ATP6V1H: variants seen among roughly 807,000 people sequenced by gnomAD.
The protein encoded by ATP6V1H is V-type proton ATPase subunit H.
ATP6V1H carries 39 observed loss-of-function variants against 71.7 expected under a neutral mutation model. The observed-to-expected ratio is 0.54, with a 90% CI of 0.42 to 0.71. The LOEUF (loss-of-function observed/expected upper bound fraction) is 0.71, where lower values mean the gene tolerates loss of function less well. Ranked by LOEUF, ATP6V1H falls within the 30% of genes least tolerant of loss-of-function variation. The probability of loss-of-function intolerance (pLI) is 0.00; values close to 1 mark genes in which losing one functional copy is unlikely to be tolerated. For synonymous variants in ATP6V1H, 192 were observed against 199.3 expected (o/e 0.96, Z 0.31); for missense variants, 509 against 594.9 (o/e 0.86, Z 1.50).
intron 11 of ATP6V1H, among the ~76,000 whole-genome samples, chr8:53,757,340 T>TG (rs916292837): frequency 6.6e-6 from 1 of 152,000 alleles, no homozygotes. Flanking sequence ...CCACTGAGGG[T>TG]GGGTGCAGCT....
intron 11 of ATP6V1H, among the ~76,000 whole-genome samples, chr8:53,767,340 T>TGAAA (rs1281455089): frequency 6.6e-6 from 1 of 152,198 alleles, no homozygotes; most frequent in East Asian, 1.9e-4. Context: ...AGGTAGCATA[T>TGAAA]GAAAGCACTC....
intron 9 of ATP6V1H, among the ~76,000 whole-genome samples, chr8:53,776,366 A>G (rs903556234): frequency 6.6e-6 from 1 of 152,192 alleles, no homozygotes; most frequent in African/African-American, 2.4e-5. Flanking sequence ...GGTGGGCTGA[A>G]GGGCTCCTCA....
At chr8:53,791,213 A>C (rs1188084217) in intron 9 of ATP6V1H, among the ~76,000 whole-genome samples, 2 of 152,236 alleles carry the variant, frequency 1.3e-5, no homozygotes, top group African/African-American at 4.8e-5. Flanking sequence ...ATCAGCTCTT[A>C]TTCCATGTTC....
At chr8:53,762,167 G>A (rs1321873829) in intron 11 of ATP6V1H, among the ~76,000 whole-genome samples, 1 of 151,864 alleles carries the variant, frequency 6.6e-6, no homozygotes, top group Non-Finnish European at 1.5e-5. Flanking sequence ...ATTGTATTGA[G>A]CAGCACAGAT....
chr8:53,773,218 T>C (rs530134323), intron 9 of ATP6V1H, among the ~76,000 whole-genome samples: 2 of 152,238 alleles, frequency 1.3e-5, no homozygotes, highest in Non-Finnish European at 1.5e-5. Context: ...CTTACATCTA[T>C]AGATATCAGA....
chr8:53,820,680 AAAG>A (rs1385302901), intron 4 of ATP6V1H, among the ~76,000 whole-genome samples: 2 of 151,402 alleles, frequency 1.3e-5, no homozygotes, highest in African/African-American at 2.4e-5. Flanking sequence ...AAAAAAAAAA[AAAG>A]AAAAGAAAAC....
intron 4 of ATP6V1H, among the ~76,000 whole-genome samples, chr8:53,829,123 T>A (rs925680077): frequency 4.6e-5 from 7 of 152,152 alleles, no homozygotes; most frequent in Non-Finnish European, 1.0e-4. Flanking sequence ...AGGAGCCATA[T>A]CATCCATAAG....
chr8:53,830,582 C>T (rs986565459), intron 3 of ATP6V1H, among the ~76,000 whole-genome samples: 3 of 152,018 alleles, frequency 2.0e-5, no homozygotes, highest in African/African-American at 4.8e-5. Context: ...AAGTTGCCCA[C>T]GGTATTTCTG....
chr8:53,836,185 A>T (rs1811156165), intron 2 of ATP6V1H, among the ~76,000 whole-genome samples: 1 of 152,170 alleles, frequency 6.6e-6, no homozygotes, highest in Admixed American at 6.5e-5. Flanking sequence ...GAGCACACTG[A>T]TAAACCTGAA....
intron 9 of ATP6V1H, among the ~76,000 whole-genome samples, chr8:53,772,579 C>T (rs1563459116): frequency 6.6e-6 from 1 of 152,122 alleles, no homozygotes; most frequent in Non-Finnish European, 1.5e-5. Context: ...AGTTCCCAGT[C>T]TGTCACCATT....
intron 8 of ATP6V1H, among the ~76,000 whole-genome samples, chr8:53,798,674 A>G (rs1443962194): frequency 6.6e-6 from 1 of 152,134 alleles, no homozygotes; most frequent in Non-Finnish European, 1.5e-5. Context: ...CAAAAAGTAG[A>G]AAGTACATAT....
intron 1 of ATP6V1H, 70 bp from the exon 2 acceptor site, chr8:53,841,795 A>T: frequency 7.2e-7 from 1 of 1,380,420 alleles, no homozygotes; most frequent in Non-Finnish European, 9.8e-7. Context: ...TAATATTATG[A>T]TTATGAATAT....
At chr8:53,792,903 C>T (rs1014531937) in intron 9 of ATP6V1H, among the ~76,000 whole-genome samples, 1 of 152,178 alleles carries the variant, frequency 6.6e-6, no homozygotes, top group African/African-American at 2.4e-5. Flanking sequence ...CACTTCCTAG[C>T]TATTTTGGCA....
At chr8:53,744,439 CAG>C (rs1807526946) in intron 12 of ATP6V1H, among the ~76,000 whole-genome samples, 1 of 152,222 alleles carries the variant, frequency 6.6e-6, no homozygotes, top group African/African-American at 2.4e-5. Flanking sequence ...TGGTTACAGA[CAG>C]AGCTGTGGAG....
chr8:53,827,477 G>A (rs185198464), intron 4 of ATP6V1H, among the ~76,000 whole-genome samples: 6 of 152,046 alleles, frequency 3.9e-5, no homozygotes, highest in African/African-American at 1.2e-4. Context: ...GACTCTTACA[G>A]TATTTCATGA....
intron 9 of ATP6V1H, among the ~76,000 whole-genome samples, chr8:53,773,598 C>A (rs991179880): frequency 6.6e-6 from 1 of 152,108 alleles, no homozygotes; most frequent in Non-Finnish European, 1.5e-5. Context: ...GTCTTTCTGG[C>A]CTGGGGAACC....
intron 9 of ATP6V1H, among the ~76,000 whole-genome samples, chr8:53,784,707 T>A (rs1339456131): frequency 6.6e-6 from 1 of 152,220 alleles, no homozygotes; most frequent in African/African-American, 2.4e-5. Flanking sequence ...AGTGCTTCCT[T>A]CAGGAGCTCT....
intron 3 of ATP6V1H, among the ~76,000 whole-genome samples, chr8:53,829,781 T>C (rs955669034): frequency 6.6e-6 from 1 of 152,230 alleles, no homozygotes; most frequent in African/African-American, 2.4e-5. Context: ...TAAATAGATA[T>C]ACTTAGCCAC....
chr8:53,819,562 AT>A (rs1810567442), intron 4 of ATP6V1H, among the ~76,000 whole-genome samples: 1 of 125,198 alleles, frequency 8.0e-6, no homozygotes, highest in Admixed American at 7.9e-5. Flanking sequence ...ATATATATAT[AT>A]ATATATATAT....
Sources: gnomAD v4.1 joint callset for allele counts (sites outside exome capture counted in the v4.1 genomes callset) on GRCh38, gnomAD v4.1.1 for gene constraint, MANE v1.5 for transcripts, NCBI Gene and HGNC (gene_info 2026-07-23, HGNC 2026-07-21) for gene names.